Variants in KCNK10 observed in about 807,000 individuals in gnomAD.
KCNK10 encodes the protein potassium channel subfamily K member 10.
A neutral mutation model predicts 47.7 loss-of-function variants in KCNK10; 25 were observed. The observed-to-expected ratio is 0.52, with a 90% CI of 0.38 to 0.73. The LOEUF (loss-of-function observed/expected upper bound fraction) is 0.73. KCNK10 is among the 30% of genes least tolerant of loss of function. KCNK10 has a pLI of 0.00. For missense variants in KCNK10, 563 were observed against 714.5 expected (o/e 0.79, Z 2.42); for synonymous variants, 303 against 285.6 (o/e 1.06, Z -0.61).
chr14:88,268,302 C>T (rs1449525244), intron 1 of KCNK10, among the ~76,000 whole-genome samples: 4 of 152,206 alleles, frequency 2.6e-5, no homozygotes. Context: ...CCGGGAGCAA[C>T]GTACCCGCAG....
intron 4 of KCNK10, among the ~76,000 whole-genome samples, chr14:88,214,634 C>G (rs1168020290): frequency 6.6e-6 from 1 of 152,020 alleles, no homozygotes; most frequent in Non-Finnish European, 1.5e-5. Context: ...CAAGGGGACA[C>G]CTAAATCTTA....
At chr14:88,207,566 G>A (rs1035901780) in intron 4 of KCNK10, among the ~76,000 whole-genome samples, 2 of 152,098 alleles carry the variant, frequency 1.3e-5, no homozygotes, top group Non-Finnish European at 1.5e-5. Flanking sequence ...TGCCCAAGCT[G>A]GCCTGATCCT....
chr14:88,268,612 G>A (rs1192112677), intron 1 of KCNK10, among the ~76,000 whole-genome samples: 1 of 152,144 alleles, frequency 6.6e-6, no homozygotes, highest in Non-Finnish European at 1.5e-5. Context: ...AAATAGGAAC[G>A]ACATTTGTTT....
intron 1 of KCNK10, among the ~76,000 whole-genome samples, chr14:88,319,467 A>G (rs1263045857): frequency 6.6e-6 from 1 of 152,172 alleles, no homozygotes; most frequent in African/African-American, 2.4e-5. Flanking sequence ...CCTGCTAAAC[A>G]CATTTGGTCT....
intron 1 of KCNK10, among the ~76,000 whole-genome samples, chr14:88,281,778 GTACATATA>G (rs1389972472): frequency 1.5e-5 from 2 of 136,104 alleles, no homozygotes; most frequent in African/African-American, 5.8e-5. Context: ...ACATACATAT[GTACATATA>G]TACATATATC....
At chr14:88,321,281 G>T (rs1409341887) in intron 1 of KCNK10, among the ~76,000 whole-genome samples, 1 of 152,124 alleles carries the variant, frequency 6.6e-6, no homozygotes. Flanking sequence ...AAGTCCAAGT[G>T]TCATGTCCTC....
At chr14:88,190,234 A>G (rs1016937322) in intron 5 of KCNK10, among the ~76,000 whole-genome samples, 3 of 152,218 alleles carry the variant, frequency 2.0e-5, no homozygotes, top group African/African-American at 7.2e-5. Flanking sequence ...TGTCTGTCAC[A>G]GGTATCTTAT....
chr14:88,240,825 A>G lies in KCNK10; in HGVS notation c.403-5T>C, dbSNP rs748031785. 8 of 1,555,710 alleles carry G rather than the reference A, an allele frequency of 5.1e-6. No individual in the cohort carries two copies. The highest frequency in any genetic ancestry group is 7.1e-6 in the Non-Finnish European group (8 of 1,127,198). ...ATTGTCAGCATCAAGAGCATGCTGC[A>G]AAGAAAGGGAAAAAGCATAAGACTC... On this transcript the variant is annotated splice_region_variant and splice_polypyrimidine_tract_variant and intron_variant, in intron 2 of 6. Coordinates refer to ENST00000319231, the MANE Select transcript of KCNK10 (RefSeq NM_138317.3).
chr14:88,206,952 T>C (rs1311667637), intron 4 of KCNK10, among the ~76,000 whole-genome samples: 1 of 152,230 alleles, frequency 6.6e-6, no homozygotes, highest in Admixed American at 6.5e-5. Context: ...TTTAAGAAGA[T>C]TGACTTGATA....
intron 4 of KCNK10, among the ~76,000 whole-genome samples, chr14:88,199,111 G>C (rs1289987457): frequency 6.6e-6 from 1 of 151,926 alleles, no homozygotes; most frequent in East Asian, 1.9e-4. Flanking sequence ...GTAGAGATGG[G>C]GTTTCGCCAT....
intron 1 of KCNK10, among the ~76,000 whole-genome samples, chr14:88,296,595 T>C (rs1045899411): frequency 2.6e-5 from 4 of 152,208 alleles, no homozygotes; most frequent in African/African-American, 9.6e-5. Context: ...TGCACTGCAA[T>C]GAATTTATGT....
Position 88,207,396 on chromosome 14 carries a change from G to A in KCNK10, c.682-14986C>T, listed in dbSNP as rs192743157. Among the ~76,000 whole-genome samples the A allele has an allele frequency of 6.3e-3, 961 of 152,050 alleles. 8 individuals carry two copies. The highest frequency in any genetic ancestry group is 0.022 in the African/African-American group (921 of 41,482). On this transcript the variant is annotated intron_variant, in intron 4 of 6. Coordinates refer to ENST00000319231, the MANE Select transcript of KCNK10 (RefSeq NM_138317.3). ...TCACCATGTTAGCCAGGATGGTCTC[G>A]ATCTCCTGACCTCATGATCCGCCCG...
At chr14:88,266,148 C>CATGGTGGGTAGACAATCAATG (rs1887247352) in intron 1 of KCNK10, among the ~76,000 whole-genome samples, 3 of 152,144 alleles carry the variant, frequency 2.0e-5, no homozygotes, top group African/African-American at 7.2e-5. Context: ...GTACCTGGCA[C>CATGGTGGGTAGACAATCAATG]ATGGTGGGTA....
At chr14:88,287,654 A>C (rs1887790404) in intron 1 of KCNK10, among the ~76,000 whole-genome samples, 1 of 148,114 alleles carries the variant, frequency 6.8e-6, no homozygotes, top group South Asian at 2.1e-4. Flanking sequence ...ATTCCTTTTT[A>C]TGGCTGAATA....
At chr14:88,275,693 CA>C (rs71126972) in intron 1 of KCNK10, among the ~76,000 whole-genome samples, 24,424 of 72,134 alleles carry the variant, frequency 0.34, 2,296 homozygotes, top group Middle Eastern at 0.42. Flanking sequence ...GCTAAAAATA[CA>C]AAAAAAAAAA....
rs541814749 is a variant in KCNK10 at position 88,199,220 on chromosome 14, C to G, written c.682-6810G>C. On this transcript the variant is annotated intron_variant, in intron 4 of 6. Transcript: ENST00000319231. ...CAGGCGTGAGCCACCGTGCCCGGCC[C>G]ATGATTTTTTTATTCTAGCAGAAAG... Among the ~76,000 whole-genome samples the G allele has an allele frequency of 1.2e-4, 18 of 152,138 alleles. No homozygotes were observed. The South Asian group carries it at 3.5e-3, about 30-fold the overall frequency.
chr14:88,180,959 C>A lies in KCNK10; in HGVS notation c.*4576G>T, dbSNP rs1294183308. The stretch of plus-strand genomic sequence containing the variant: ...TTTTTAAGGCCATTACTAGCCAGCT[C>A]TTACTGTTCACTCAGCCACTGTCTT... On this transcript the variant is annotated 3_prime_UTR_variant, in exon 7 of 7. Coordinates refer to ENST00000319231, the MANE Select transcript of KCNK10 (RefSeq NM_138317.3). The A allele has an allele frequency of 2.5e-6, 1 of 397,706 alleles. No homozygotes were observed. Among genetic ancestry groups the A allele is most frequent in the Non-Finnish European group, 4.4e-6 (1 of 225,672 alleles). The allele number at this position is 397,706 out of a possible 1,614,324, so 24.6% of individuals were successfully genotyped here.
At chr14:88,227,891 T>C (rs1475880088) in intron 3 of KCNK10, among the ~76,000 whole-genome samples, 1 of 152,238 alleles carries the variant, frequency 6.6e-6, no homozygotes, top group African/African-American at 2.4e-5. Context: ...GAATCACCAC[T>C]GCACTTATTA....
At chr14:88,321,635 A>G (rs751840331) in intron 1 of KCNK10, among the ~76,000 whole-genome samples, 1 of 152,198 alleles carries the variant, frequency 6.6e-6, no homozygotes, top group Non-Finnish European at 1.5e-5. Context: ...TAACAGCCTC[A>G]GTGTTTTAAA....
Sources: allele counts gnomAD v4.1 joint callset (sites outside exome capture counted in the v4.1 genomes callset), GRCh38; gene constraint gnomAD v4.1.1; transcripts MANE v1.5; gene names NCBI Gene and HGNC (gene_info 2026-07-23, HGNC 2026-07-21).